ATP6V1H: variants seen among roughly 807,000 people sequenced by gnomAD.
ATP6V1H encodes V-type proton ATPase subunit H.
In ATP6V1H, 39 loss-of-function variants were observed where a neutral mutation model predicts 71.7. The observed-to-expected ratio is 0.54, with a 90% CI of 0.42 to 0.71. The LOEUF (loss-of-function observed/expected upper bound fraction) is 0.71, where lower values mean the gene tolerates loss of function less well. Ranked by LOEUF, ATP6V1H falls within the 30% of genes least tolerant of loss-of-function variation. The pLI, the probability that ATP6V1H is intolerant of heterozygous loss-of-function variation, is 0.00. For missense variants in ATP6V1H, 509 were observed against 594.9 expected (o/e 0.86, Z 1.50); for synonymous variants, 192 against 199.3 (o/e 0.96, Z 0.31).
chr8:53,717,267 G>C (rs1422837595), intron 13 of ATP6V1H, among the ~76,000 whole-genome samples: 1 of 152,202 alleles, frequency 6.6e-6, no homozygotes, highest in Admixed American at 6.5e-5. Flanking sequence ...AGAAAAGACA[G>C]AAGCACTGGG....
chr8:53,755,685 C>CATATAT (rs869109436), intron 12 of ATP6V1H, among the ~76,000 whole-genome samples: 1 of 24,256 alleles, frequency 4.1e-5, no homozygotes, highest in Non-Finnish European at 6.9e-5. Flanking sequence ...TACCAGCGTA[C>CATATAT]ATATATATAT....
At chr8:53,811,377 T>A (rs1250575931) in intron 6 of ATP6V1H, among the ~76,000 whole-genome samples, 160 bp from the exon 7 acceptor site, 2 of 152,194 alleles carry the variant, frequency 1.3e-5, no homozygotes. Flanking sequence ...AGCAAGGGGA[T>A]GACATAAAAT....
At chr8:53,718,554 T>G (rs1360013424) in intron 13 of ATP6V1H, among the ~76,000 whole-genome samples, 1 of 152,140 alleles carries the variant, frequency 6.6e-6, no homozygotes, top group Non-Finnish European at 1.5e-5. Flanking sequence ...CATGCCTGGC[T>G]AATTTTTGTA....
rs1322851312 is a variant in ATP6V1H, at chr8:53,764,353, G to A, written c.1175+5265C>T. 2.0e-5 allele frequency among the ~76,000 whole-genome samples: 3 copies of A among 152,120 alleles called. 1 individual carries two copies. Among genetic ancestry groups the A allele is most frequent in the Admixed American group, 2.0e-4 (3 of 15,270 alleles). On this transcript the variant is annotated intron_variant, in intron 11 of 13. Transcript: ENST00000359530. Reference sequence around the variant, plus strand: ...ACTATGACCAAACAGGATTGAGTCCGGGTATGCAAGGCTAGCGTAATATTT... The same window carrying A: ...ACTATGACCAAACAGGATTGAGTCCAGGTATGCAAGGCTAGCGTAATATTT...
At chr8:53,818,428 A>G (rs2130484677) in intron 4 of ATP6V1H, among the ~76,000 whole-genome samples, 1 of 152,314 alleles carries the variant, frequency 6.6e-6, no homozygotes, top group South Asian at 2.1e-4. Flanking sequence ...ATTTTTAAAT[A>G]TAGTGGGGTT....
At chr8:53,819,584 AT>A (rs1367608196) in intron 4 of ATP6V1H, among the ~76,000 whole-genome samples, 1,304 of 125,458 alleles carry the variant, frequency 0.01, 137 homozygotes, top group East Asian at 0.034. Flanking sequence ...ATATATATAT[AT>A]AAAATACACA....
intron 13 of ATP6V1H, among the ~76,000 whole-genome samples, chr8:53,726,621 A>G (rs1200765573): frequency 2.6e-5 from 4 of 152,218 alleles, no homozygotes. Flanking sequence ...TTAGTTCTGT[A>G]TATTTGAAAC....
intron 3 of ATP6V1H, among the ~76,000 whole-genome samples, chr8:53,830,047 A>G (rs1563486107): frequency 6.6e-6 from 1 of 152,168 alleles, no homozygotes; most frequent in Non-Finnish European, 1.5e-5. Context: ...CTGTTGTAAG[A>G]ATCAGACCAA....
intron 13 of ATP6V1H, among the ~76,000 whole-genome samples, chr8:53,737,613 G>A (rs1229775161): frequency 6.6e-6 from 1 of 152,144 alleles, no homozygotes; most frequent in African/African-American, 2.4e-5. Flanking sequence ...GATACCGTGT[G>A]GTGGGAGAAA....
chr8:53,839,603 G>T, intron 2 of ATP6V1H: 1 of 985,092 alleles, frequency 1.0e-6, no homozygotes, highest in Middle Eastern at 5.2e-4. Context: ...TCTACCTCTA[G>T]ACTTATCACC....
intron 13 of ATP6V1H, among the ~76,000 whole-genome samples, chr8:53,719,794 A>G (rs1447587710): frequency 6.6e-6 from 1 of 152,230 alleles, no homozygotes; most frequent in Non-Finnish European, 1.5e-5. Context: ...CCAAGAGCTA[A>G]GTGAGCAAAG....
At chr8:53,762,381 C>A (rs1347837459) in intron 11 of ATP6V1H, among the ~76,000 whole-genome samples, 2 of 151,530 alleles carry the variant, frequency 1.3e-5, no homozygotes, top group Non-Finnish European at 2.9e-5. Context: ...ATTGGAGGAC[C>A]CTCCTTCCAA....
chr8:53,804,278 A>C (rs568236814), intron 7 of ATP6V1H, among the ~76,000 whole-genome samples: 1 of 152,356 alleles, frequency 6.6e-6, no homozygotes, highest in South Asian at 2.1e-4. Flanking sequence ...AAGATGAAAT[A>C]AAAATTTCCC....
chr8:53,727,450 C>T (rs1307113883), intron 13 of ATP6V1H, among the ~76,000 whole-genome samples: 1 of 152,216 alleles, frequency 6.6e-6, no homozygotes, highest in Non-Finnish European at 1.5e-5. Flanking sequence ...AAATCTACTC[C>T]TCTTCTGTCA....
intron 12 of ATP6V1H, among the ~76,000 whole-genome samples, chr8:53,749,732 C>A (rs182154342): frequency 1.3e-5 from 2 of 148,996 alleles, no homozygotes; most frequent in East Asian, 4.1e-4. Context: ...GGTTTAGATG[C>A]CAGACTCCTT....
chr8:53,740,904 TCA>T (rs1807388628), intron 13 of ATP6V1H, among the ~76,000 whole-genome samples: 1 of 152,182 alleles, frequency 6.6e-6, no homozygotes, highest in African/African-American at 2.4e-5. Context: ...AATTTATAAG[TCA>T]CAATCAAATA....
At chr8:53,746,834 A>T (rs1807619102) in intron 12 of ATP6V1H, among the ~76,000 whole-genome samples, 1 of 152,224 alleles carries the variant, frequency 6.6e-6, no homozygotes, top group Non-Finnish European at 1.5e-5. Flanking sequence ...TAAAAAGACA[A>T]GATATTTGAT....
intron 3 of ATP6V1H, among the ~76,000 whole-genome samples, chr8:53,830,259 T>C (rs948237181): frequency 6.6e-5 from 10 of 152,342 alleles, no homozygotes; most frequent in South Asian, 2.1e-4. Flanking sequence ...GAGTCATACA[T>C]TGAAAAACTT....
chr8:53,761,840 T>C (rs752777800), intron 11 of ATP6V1H, among the ~76,000 whole-genome samples: 3 of 152,186 alleles, frequency 2.0e-5, no homozygotes, highest in Non-Finnish European at 4.4e-5. Flanking sequence ...AATAAGAGGA[T>C]TTCTTAAAAG....
Sources: allele counts gnomAD v4.1 joint callset (sites outside exome capture counted in the v4.1 genomes callset), GRCh38; gene constraint gnomAD v4.1.1; transcripts MANE v1.5; gene names NCBI Gene and HGNC (gene_info 2026-07-23, HGNC 2026-07-21).